Variants in ZAN observed in about 807,000 individuals in gnomAD.
ZAN encodes zonadhesin.
Under a neutral mutation model 286.2 loss-of-function variants are expected in ZAN, and 260 were observed. The observed-to-expected ratio is 0.91, with a 90% CI of 0.82 to 1.01. The LOEUF is 1.01. Ranked by LOEUF, ZAN falls within the 50% of genes least tolerant of loss-of-function variation. ZAN has a pLI of 0.00. For synonymous variants in ZAN, 1,368 were observed against 1,417.5 expected (o/e 0.97, Z 0.79); for missense variants, 3,410 against 3,639.2 (o/e 0.94, Z 1.62).
chr7:100,794,975 A>C (rs77641115), intron 44 of ZAN, among the ~76,000 whole-genome samples: 1 of 151,620 alleles, frequency 6.6e-6, no homozygotes, highest in African/African-American at 2.4e-5. Flanking sequence ...AGGAGGAAGA[A>C]AGGAAGAGAG....
intron 7 of ZAN, among the ~76,000 whole-genome samples, chr7:100,743,876 CAAAA>C (rs1366459459): frequency 6.6e-6 from 1 of 151,138 alleles, no homozygotes; most frequent in Admixed American, 6.6e-5. Context: ...GATTGTGTCT[CAAAA>C]TAAATAAATA....
intron 27 of ZAN, among the ~76,000 whole-genome samples, chr7:100,769,359 G>T (rs919028285): frequency 2.0e-5 from 3 of 152,152 alleles, no homozygotes; most frequent in Admixed American, 1.3e-4. Context: ...CTCCCAAAGT[G>T]CTGGGATTAC....
chr7:100,766,918 T>C (rs769406509), intron 24 of ZAN, 92 bp from the exon 25 acceptor site: 2 of 1,565,812 alleles, frequency 1.3e-6, no homozygotes, highest in African/African-American at 1.4e-5. Context: ...GTGGGGACCA[T>C]GCCAATGTGG....
At position 100,762,374 on chromosome 7, in the gene ZAN, T is replaced by G; in HGVS notation, c.3986+16T>G. ...AGGACCAGGAGTGAGCAAGGAGCCC[T>G]CCCACCGGGGCCCTGGGAAGGTTCC... On this transcript the variant is annotated intron_variant, in intron 20 of 47. Coordinates refer to ENST00000613979, the MANE Select transcript of ZAN (RefSeq NM_003386.3). The G allele has an allele frequency of 6.5e-7, 1 of 1,534,648 alleles. No homozygotes were observed. Among genetic ancestry groups the G allele is most frequent in the Non-Finnish European group, 8.8e-7 (1 of 1,132,652 alleles).
chr7:100,759,456 G>T (rs1249673794), intron 17 of ZAN, among the ~76,000 whole-genome samples: 2 of 152,126 alleles, frequency 1.3e-5, no homozygotes. Flanking sequence ...AAAAAGCAAA[G>T]AAGGCAGTGG....
intron 32 of ZAN, 21 bp downstream of exon 32, chr7:100,775,596 G>A (rs775649285): frequency 5.6e-6 from 9 of 1,611,454 alleles, no homozygotes; most frequent in Admixed American, 1.7e-5. Context: ...TGTGGTGACC[G>A]GGGCTGGGAG....
At chr7:100,749,508 T>TGG (rs1296170171) in intron 11 of ZAN, among the ~76,000 whole-genome samples, 1 of 147,398 alleles carries the variant, frequency 6.8e-6, no homozygotes, top group Non-Finnish European at 1.5e-5. Context: ...GGCATGGTGG[T>TGG]GGGCGCCTGT....
intron 24 of ZAN, 83 bp downstream of exon 24, chr7:100,766,749 C>A: frequency 6.7e-7 from 1 of 1,488,328 alleles, no homozygotes. Context: ...AAGCAGCTTC[C>A]CCAGACAGCT....
At position 100,736,964 on chromosome 7, in the gene ZAN, C is replaced by A; in HGVS notation, c.409C>A (p.Leu137Ile). The A allele has an allele frequency of 6.6e-7, 1 of 1,504,476 alleles. No homozygotes were observed. Among genetic ancestry groups the A allele is most frequent in the Non-Finnish European group, 9.1e-7 (1 of 1,098,634 alleles). The allele number at this position is 1,504,476 out of a possible 1,614,324, so 93.2% of individuals were successfully genotyped here. A position where few individuals can be genotyped will look rare whatever the true frequency, so the allele number is the denominator to read the frequency against. ...SWGAQLRLLLLSGEEGRRPDV... is the reference protein window; with the variant it reads ...SWGAQLRLLLISGEEGRRPDV... ...GGGCGCCCAGCTCAGGCTGCTGCTG[C>A]TCTCGGGTGAAGAGGGCCGCCGCCC... Residue 137 changes from leucine to isoleucine, a missense_variant, in exon 5 of 48, where the codon CTC (leucine) becomes ATC (isoleucine). By Grantham distance (5) the Leu-to-Ile change is conservative. This residue lies in a region of ZAN where 872 missense variants were observed against 938.9 expected (regional missense o/e 0.93). Transcript: ENST00000613979.
chr7:100,745,068 G>A (rs1808092817), intron 7 of ZAN, among the ~76,000 whole-genome samples: 1 of 151,580 alleles, frequency 6.6e-6, no homozygotes. Flanking sequence ...ACTTTTAGTA[G>A]AGACGGGATT....
chr7:100,779,646 T>C lies in ZAN; in HGVS notation c.6518T>C (p.Phe2173Ser). The C allele has an allele frequency of 1.9e-6, 3 of 1,587,288 alleles. No individual in the cohort carries two copies. Among genetic ancestry groups the C allele is most frequent in the Non-Finnish European group, 2.6e-6 (3 of 1,167,082 alleles). ...GACTGTGCAAACACCCTCTGTGAGT[T>C]CGGAGGTCTCTACCAGGCCCTCTGC... ...LVDCANTLCE[F>S]GGLYQALCQA... Residue 2173 changes from phenylalanine (F) to serine (S), a missense_variant, in exon 35 of 48, where the codon TTC (phenylalanine) becomes TCC (serine). Coordinates refer to ENST00000613979, the MANE Select transcript of ZAN (RefSeq NM_003386.3).
rs1562908481 is a variant in ZAN, at chr7:100,736,586, T to C, written c.210T>C (p.Ser70=). The change falls in exon 4 of 48, where the codon TCT becomes TCC. Residue 70 remains serine (S), a synonymous_variant. Coordinates refer to ENST00000613979, the MANE Select transcript of ZAN (RefSeq NM_003386.3). ...ACTGGGTTCGAGCCAGTGGGCCCTC[T>C]CCCACCGGCTCCACCGGGGCCCCCG... is the stretch of plus-strand genomic sequence containing the variant. The part of the protein sequence containing the change: ...DEDWVRASGP[S]PTGSTGAPGG... 6.6e-7 allele frequency: 1 copy of C among 1,522,574 alleles called. No individual in the cohort carries two copies. The highest frequency in any genetic ancestry group is 9.0e-7 in the Non-Finnish European group (1 of 1,107,266). 94.3% of individuals were successfully genotyped at this position (1,522,574 alleles called of 1,614,324 possible).
At position 100,744,278 on chromosome 7, in the gene ZAN, C is replaced by T. The variant is rs111342940; in HGVS notation, c.767-2260C>T. ...GGACTCCTGCACTCCTGTCTCTGAT[C>T]TTTCCTGCTGCCTAAACTTTGTTTT... On this transcript the variant is annotated intron_variant, in intron 7 of 47. Transcript: ENST00000613979. 7.3e-3 allele frequency among the ~76,000 whole-genome samples: 1,103 copies of T among 151,270 alleles called. 38 individuals are homozygous for T. The highest frequency in any genetic ancestry group is 0.025 in the African/African-American group (1,046 of 41,092).
At chr7:100,743,475 C>T (rs1807958716) in intron 7 of ZAN, among the ~76,000 whole-genome samples, 1 of 152,116 alleles carries the variant, frequency 6.6e-6, no homozygotes, top group Non-Finnish European at 1.5e-5. Flanking sequence ...TCTCACACAG[C>T]CCACATTTCA....
rs531109918 is a variant in ZAN at position 100,779,539 on chromosome 7, G to A, written c.6411G>A (p.Ala2137=). The change falls in exon 35 of 48, where the codon GCG becomes GCA. Residue 2137 remains alanine, a synonymous_variant. Transcript: ENST00000613979. ...GCAGGGCGGCCGACCTCCGCAGGGC[G>A]CGGGAAAAGTGCGAGGCAGCGCTCC... ...GNCRAADLRR[A]REKCEAALRA... The A allele has an allele frequency of 6.1e-5, 98 of 1,612,342 alleles. No individual in the cohort carries two copies. In the Admixed American group the frequency reaches 6.5e-4, roughly 11 times the overall value.
chr7:100,758,310 C>A lies in ZAN; in HGVS notation c.3418C>A (p.Leu1140Ile). The change falls in exon 16 of 48, where the codon CTT (leucine) becomes ATT (isoleucine). Residue 1140 changes from leucine to isoleucine, a missense_variant. Leu to Ile is a conservative substitution (Grantham distance 5). Around this residue, in one of 7 missense-constraint regions of ZAN, gnomAD observed 1,042 missense variants for 1,058.0 expected, o/e 0.98. Transcript: ENST00000613979. ...GTGTGGGACACACACCGTGTGCCAGCTTAAGAATGGCCAGTATGGATGCCA... is the reference window on the plus strand; with the variant it reads ...GTGTGGGACACACACCGTGTGCCAGATTAAGAATGGCCAGTATGGATGCCA... ...SQCGTHTVCQ[L>I]KNGQYGCHPY... 6.2e-7 allele frequency: 1 copy of A among 1,613,308 alleles called. No homozygotes were observed. Among genetic ancestry groups the A allele is most frequent in the South Asian group, 1.1e-5 (1 of 91,078 alleles).
At chr7:100,765,685 T>C in intron 23 of ZAN, 131 bp downstream of exon 23, 1 of 1,216,206 alleles carries the variant, frequency 8.2e-7, no homozygotes, top group Non-Finnish European at 1.1e-6. Flanking sequence ...AGTTTTGCTC[T>C]GTCGCCAGGC....
chr7:100,744,511 T>C (rs1391072619), intron 7 of ZAN, among the ~76,000 whole-genome samples: 1 of 151,088 alleles, frequency 6.6e-6, no homozygotes, highest in Non-Finnish European at 1.5e-5. Flanking sequence ...GGCAGGAGAA[T>C]TGTTTGAACC....
At position 100,736,997 on chromosome 7, in the gene ZAN, C is replaced by A; in HGVS notation, c.442C>A (p.Leu148Ile). Residue 148 changes from leucine to isoleucine, a missense_variant, in exon 5 of 48, where the codon CTC becomes ATC. Around this residue, in one of 7 missense-constraint regions of ZAN, gnomAD observed 872 missense variants for 938.9 expected, o/e 0.93. Coordinates refer to ENST00000613979, the MANE Select transcript of ZAN (RefSeq NM_003386.3). ...SGEEGRRPDV[L>I]WKHWNTQRPS... ...TGAAGAGGGCCGCCGCCCCGATGTGCTCTGGAAACACTGGAACACCCAGAG... is the reference window on the plus strand; with the variant it reads ...TGAAGAGGGCCGCCGCCCCGATGTGATCTGGAAACACTGGAACACCCAGAG... 1 of 1,502,532 alleles carries A rather than the reference C, an allele frequency of 6.7e-7. No individual in the cohort carries two copies. Among genetic ancestry groups the A allele is most frequent in the Non-Finnish European group, 9.1e-7 (1 of 1,097,576 alleles). 93.1% of individuals were successfully genotyped at this position (1,502,532 alleles called of 1,614,324 possible). A position where few individuals can be genotyped will look rare whatever the true frequency, so the allele number is the denominator to read the frequency against.
Sources: allele counts gnomAD v4.1 joint callset (sites outside exome capture counted in the v4.1 genomes callset), GRCh38; gene constraint gnomAD v4.1.1; regional missense constraint gnomAD v4.1.1; transcripts MANE v1.5; gene names NCBI Gene and HGNC (gene_info 2026-07-23, HGNC 2026-07-21).